Variants in OR4N5 observed in about 807,000 individuals in gnomAD.
The protein encoded by OR4N5 is olfactory receptor 4N5.
For synonymous variants in OR4N5, 155 were observed against 140.6 expected (o/e 1.10, Z -0.72); for missense variants, 428 against 370.0 (o/e 1.16, Z -1.29).
At chr14:20,139,065 A>G (rs949314896) in intron 1 of OR4N5, among the ~76,000 whole-genome samples, 175 bp downstream of exon 1, 9 of 152,166 alleles carry the variant, frequency 5.9e-5, no homozygotes, top group Non-Finnish European at 1.2e-4. Context: ...CTTTTCTCAA[A>G]TATACCTGTT....
chr14:20,144,174 G>T lies in OR4N5; in HGVS notation c.439G>T (p.Val147Phe). ...NPRACYALSL[V>F]LWLGGFIHSI... ...TAGAGCCTGCTATGCATTATCGTTG[G>T]TTCTGTGGCTTGGGGGCTTTATCCA... The change falls in exon 3 of 3, where the codon GTT becomes TTT. Residue 147 changes from valine to phenylalanine, a missense_variant. Physicochemically the swap from Val to Phe is conservative, Grantham distance 50. Transcript: ENST00000641086. The T allele has an allele frequency of 6.2e-7, 1 of 1,614,094 alleles. No homozygotes were observed.
rs1878609536 is a variant in OR4N5, at chr14:20,141,221, G to A, written c.-12+10G>A. ...CTGGAATGAATAAAAGGTAGGACTA[G>A]GGGAGGGAGCTTCTGACTTAAGTTC... On this transcript the variant is annotated intron_variant, in intron 2 of 2. Transcript: ENST00000641086. The A allele has an allele frequency of 6.6e-6, 1 of 152,166 alleles. No individual in the cohort carries two copies. The highest frequency in any genetic ancestry group is 2.4e-5 in the African/African-American group (1 of 41,460). 9.4% of individuals were successfully genotyped at this position (152,166 alleles called of 1,614,324 possible).
In OR4N5 at chr14:20,145,397, T is replaced by C. The variant is rs1878718127; in HGVS notation, c.*735T>C. 6.6e-6 allele frequency: 1 copy of C among 152,226 alleles called. No homozygotes were observed. 9.4% of individuals were successfully genotyped at this position (152,226 alleles called of 1,614,324 possible). ...CCTCAAGATTCTGATTACAGAACTATGAGTAGTAAAATATCATTAAGTGGA... is the reference window on the plus strand; with the variant it reads ...CCTCAAGATTCTGATTACAGAACTACGAGTAGTAAAATATCATTAAGTGGA... On this transcript the variant is annotated 3_prime_UTR_variant, in exon 3 of 3. Coordinates refer to ENST00000641086, the MANE Select transcript of OR4N5 (RefSeq NM_001004724.2).
chr14:20,139,642 C>T (rs970493538), intron 1 of OR4N5, among the ~76,000 whole-genome samples: 1 of 152,058 alleles, frequency 6.6e-6, no homozygotes, highest in Non-Finnish European at 1.5e-5. Flanking sequence ...CTGAATGCTT[C>T]CTCTCTTCAT....
In OR4N5 at chr14:20,144,335, C is replaced by T; in HGVS notation, c.600C>T (p.Val200=). 2 of 1,614,004 alleles carry T rather than the reference C, an allele frequency of 1.2e-6. No individual in the cohort carries two copies. Among genetic ancestry groups the T allele is most frequent in the Non-Finnish European group, 1.7e-6 (2 of 1,179,968 alleles). Reference sequence around the variant, plus strand: ...CCTTTGTGGTGGAGCTTCTGATGGTCTCCAACAGTGGCCTGCTCAGCCTCC... The same window carrying T: ...CCTTTGTGGTGGAGCTTCTGATGGTTTCCAACAGTGGCCTGCTCAGCCTCC... ...TNTFVVELLM[V]SNSGLLSLLC... Residue 200 remains valine (V), a synonymous_variant, in exon 3 of 3, where the codon GTC becomes GTT. Coordinates refer to ENST00000641086, the MANE Select transcript of OR4N5 (RefSeq NM_001004724.2).
rs1218577207 is a variant in OR4N5 at position 20,144,579 on chromosome 14, A to G, written c.844A>G (p.Met282Val). 2 of 1,613,798 alleles carry G rather than the reference A, an allele frequency of 1.2e-6. No individual in the cohort carries two copies. Among genetic ancestry groups the G allele is most frequent in the Admixed American group, 3.3e-5 (2 of 59,960 alleles). Residue 282 changes from methionine (M) to valine (V), a missense_variant, in exon 3 of 3, where the codon ATG (methionine) becomes GTG (valine). By Grantham distance (21) the Met-to-Val change is conservative. Coordinates refer to ENST00000641086, the MANE Select transcript of OR4N5 (RefSeq NM_001004724.2). ...TTTCCATACTGTCATCTTTCCTTTG[A>G]TGAACCCTGTTATTTATACGCTTCG... Reference protein sequence around the residue: ...SLFHTVIFPLMNPVIYTLRNQ... With the variant: ...SLFHTVIFPLVNPVIYTLRNQ...
chr14:20,144,905 TA>T lies in OR4N5; in HGVS notation c.*246del. The T allele has an allele frequency of 7.7e-6, 3 of 389,592 alleles. No individual in the cohort carries two copies. In the South Asian group the frequency reaches 1.3e-4, roughly 16 times the overall value. The allele number at this position is 389,592 out of a possible 1,614,324, so 24.1% of individuals were successfully genotyped here. A position where few individuals can be genotyped will look rare whatever the true frequency, so the allele number is the denominator to read the frequency against. On this transcript the variant is annotated 3_prime_UTR_variant, in exon 3 of 3. Coordinates refer to ENST00000641086, the MANE Select transcript of OR4N5 (RefSeq NM_001004724.2). ...ATTCAAGGGGATAAATACAGTTTAT[TA>T]AATTTGAAAAACAACTATAGTTTCA...
Position 20,145,439 on chromosome 14 carries a change from G to A in OR4N5, c.*777G>A, listed in dbSNP as rs1594206365. 1.3e-5 allele frequency: 2 copies of A among 152,066 alleles called. No individual in the cohort carries two copies. The highest frequency in any genetic ancestry group is 2.4e-5 in the African/African-American group (1 of 41,400). 9.4% of individuals were successfully genotyped at this position (152,066 alleles called of 1,614,324 possible). ...TTAAGTGGAAAGTGCGTGCTGCTAA[G>A]TATTTTTTATTTATGTCAACACTTA... On this transcript the variant is annotated 3_prime_UTR_variant, in exon 3 of 3. Transcript: ENST00000641086.
rs1594206119 is a variant in OR4N5, at chr14:20,144,666, G to A, written c.*4G>A. On this transcript the variant is annotated 3_prime_UTR_variant, in exon 3 of 3. Coordinates refer to ENST00000641086, the MANE Select transcript of OR4N5 (RefSeq NM_001004724.2). ...AAGTCAACATATGTTTTGCTGAATA[G>A]AAGAAAGAGAAAAGCAAGAACGGAG... 4 of 1,576,482 alleles carry A rather than the reference G, an allele frequency of 2.5e-6. No individual in the cohort carries two copies. The highest frequency in any genetic ancestry group is 3.4e-6 in the Non-Finnish European group (4 of 1,160,636).
At chr14:20,138,942 A>T (rs1458000281) in intron 1 of OR4N5, 52 bp downstream of exon 1, 1 of 151,828 alleles carries the variant, frequency 6.6e-6, no homozygotes. Flanking sequence ...AAAAAGAAAA[A>T]AAAAGAAAAA....
rs10136968 is a variant in OR4N5, at chr14:20,144,776, T to C, written c.*114T>C. 8.6e-3 allele frequency: 5,810 copies of C among 677,598 alleles called. 127 individuals carry two copies. Among genetic ancestry groups the C allele is most frequent in the African/African-American group, 0.048 (2,661 of 55,170 alleles). The allele number at this position is 677,598 out of a possible 1,614,324, so 42.0% of individuals were successfully genotyped here. A position where few individuals can be genotyped will look rare whatever the true frequency, so the allele number is the denominator to read the frequency against. On this transcript the variant is annotated 3_prime_UTR_variant, in exon 3 of 3. Coordinates refer to ENST00000641086, the MANE Select transcript of OR4N5 (RefSeq NM_001004724.2). ...TTTAGCAAGTATTATAATTATTAAG[T>C]ACTTCCCATTTTCAGGCACTATTCC...
intron 1 of OR4N5, 138 bp downstream of exon 1, chr14:20,139,028 G>A (rs1000487856): frequency 6.6e-6 from 1 of 152,032 alleles, no homozygotes. Flanking sequence ...CAGAGTAAGG[G>A]TGAGTTGTAA....
Position 20,140,907 on chromosome 14 carries a change from G to A in OR4N5, c.-316G>A, listed in dbSNP as rs2139074339. The A allele has an allele frequency of 6.6e-6, 1 of 150,724 alleles. No individual in the cohort carries two copies. The highest frequency in any genetic ancestry group is 2.4e-5 in the African/African-American group (1 of 41,054). The allele number at this position is 150,724 out of a possible 1,614,324, so 9.3% of individuals were successfully genotyped here. ...TTTTTTTTTTTCGGGAACTCATTTTGTACAGAGGAATGCCCATCTAATGCA... is the reference window on the plus strand; with the variant it reads ...TTTTTTTTTTTCGGGAACTCATTTTATACAGAGGAATGCCCATCTAATGCA... On this transcript the variant is annotated 5_prime_UTR_variant, in exon 2 of 3. Coordinates refer to ENST00000641086, the MANE Select transcript of OR4N5 (RefSeq NM_001004724.2).
At chr14:20,141,375 G>A (rs143815330) in intron 2 of OR4N5, among the ~76,000 whole-genome samples, 164 bp downstream of exon 2, 1 of 152,006 alleles carries the variant, frequency 6.6e-6, no homozygotes. Flanking sequence ...TTCCTATTTC[G>A]GTTTTCTTAG....
In OR4N5 at chr14:20,144,344, T is replaced by C. The variant is rs958019113; in HGVS notation, c.609T>C (p.Ser203=). Residue 203 remains serine, a synonymous_variant, in exon 3 of 3, where the codon AGT becomes AGC. Coordinates refer to ENST00000641086, the MANE Select transcript of OR4N5 (RefSeq NM_001004724.2). The part of the protein sequence containing the change: ...FVVELLMVSN[S]GLLSLLCFLG... ...TGGAGCTTCTGATGGTCTCCAACAG[T>C]GGCCTGCTCAGCCTCCTGTGCTTCC... is the stretch of plus-strand genomic sequence containing the variant. 1 of 1,614,002 alleles carries C rather than the reference T, an allele frequency of 6.2e-7. No individual in the cohort carries two copies.
In OR4N5 at chr14:20,145,366, G is replaced by C. The variant is rs1878717640; in HGVS notation, c.*704G>C. ...TTAATGTTTCCTATTTGACTTAAGG[G>C]AAGATCCTCAAGATTCTGATTACAG... is the stretch of plus-strand genomic sequence containing the variant. On this transcript the variant is annotated 3_prime_UTR_variant, in exon 3 of 3. Coordinates refer to ENST00000641086, the MANE Select transcript of OR4N5 (RefSeq NM_001004724.2). 1 of 152,122 alleles carries C rather than the reference G, an allele frequency of 6.6e-6. No individual in the cohort carries two copies. Among genetic ancestry groups the C allele is most frequent in the Non-Finnish European group, 1.5e-5 (1 of 68,022 alleles). 9.4% of individuals were successfully genotyped at this position (152,122 alleles called of 1,614,324 possible). A position where few individuals can be genotyped will look rare whatever the true frequency, so the allele number is the denominator to read the frequency against.
chr14:20,145,286 T>G lies in OR4N5; in HGVS notation c.*624T>G, dbSNP rs1374878854. On this transcript the variant is annotated 3_prime_UTR_variant, in exon 3 of 3. Transcript: ENST00000641086. ...CATTTTAGTCAATAAGAAGTTCAAT[T>G]TATTCAGATTTCAAAAGGAGATTCT... is the stretch of plus-strand genomic sequence containing the variant. 2 of 152,188 alleles carry G rather than the reference T, an allele frequency of 1.3e-5. No homozygotes were observed. Among genetic ancestry groups the G allele is most frequent in the African/African-American group, 4.8e-5 (2 of 41,446 alleles). 9.4% of individuals were successfully genotyped at this position (152,188 alleles called of 1,614,324 possible).
Position 20,144,120 on chromosome 14 carries a change from C to G in OR4N5, c.385C>G (p.Pro129Ala). 1 of 1,614,112 alleles carries G rather than the reference C, an allele frequency of 6.2e-7. No homozygotes were observed. Among genetic ancestry groups the G allele is most frequent in the Non-Finnish European group, 8.5e-7 (1 of 1,179,998 alleles). Residue 129 changes from proline (P) to alanine (A), a missense_variant, in exon 3 of 3, where the codon CCT (proline) becomes GCT (alanine). Transcript: ENST00000641086. Reference protein sequence around the residue: ...AFDRYIAICRPLHYSTIMNPR... With the variant: ...AFDRYIAICRALHYSTIMNPR... ...TGACCGCTACATCGCCATCTGCCGG[C>G]CTTTACACTATTCAACCATCATGAA...
At chr14:20,141,907 C>T (rs1594204746) in intron 2 of OR4N5, among the ~76,000 whole-genome samples, 1 of 152,026 alleles carries the variant, frequency 6.6e-6, no homozygotes, top group South Asian at 2.1e-4. Context: ...GATATTGTAT[C>T]CACAGCACTT....
Sources: allele counts gnomAD v4.1 joint callset (sites outside exome capture counted in the v4.1 genomes callset), GRCh38; gene constraint gnomAD v4.1.1; transcripts MANE v1.5; gene names NCBI Gene and HGNC (gene_info 2026-07-23, HGNC 2026-07-21).